Variants in CPA4 observed in about 807,000 individuals in gnomAD.
The protein encoded by CPA4 is carboxypeptidase A4.
A neutral mutation model predicts 54.7 loss-of-function variants in CPA4; 49 were observed. The ratio of observed to expected loss-of-function variants is 0.90; its 90% CI spans 0.71 to 1.14. CPA4 has a LOEUF of 1.14. Ranked by LOEUF, CPA4 falls within the 50% of genes most tolerant of loss-of-function variation. The probability of loss-of-function intolerance (pLI) is 0.00; values close to 1 mark genes in which losing one functional copy is unlikely to be tolerated. For missense variants in CPA4, 487 were observed against 525.1 expected, an observed-to-expected ratio of 0.93 and a Z score of 0.71; for synonymous variants, 215 against 206.8, an observed-to-expected ratio of 1.04 and a Z score of -0.34.
intron 1 of CPA4, among the ~76,000 whole-genome samples, chr7:130,294,674 A>G (rs1283344294): frequency 6.6e-6 from 1 of 152,258 alleles, no homozygotes; most frequent in Non-Finnish European, 1.5e-5. Flanking sequence ...AATTTTGCAC[A>G]GAAAAAGCTG....
intron 1 of CPA4, among the ~76,000 whole-genome samples, chr7:130,297,982 A>G (rs1399804183): frequency 6.6e-6 from 1 of 152,178 alleles, no homozygotes; most frequent in Non-Finnish European, 1.5e-5. Context: ...GACAAACGAC[A>G]AAGGGGACTG....
In CPA4 at chr7:130,310,776, AT is replaced by A; in HGVS notation, c.794-10del. 6.2e-7 allele frequency: 1 copy of A among 1,612,992 alleles called. No individual in the cohort carries two copies. ...ATGAGTTAATGTTTGTTCTTGGGCT[AT>A]CCCCAACAGGAAAGGGAGCCAGCGA... On this transcript the variant is annotated splice_polypyrimidine_tract_variant and intron_variant, in intron 8 of 10. Coordinates refer to ENST00000222482, the MANE Select transcript of CPA4 (RefSeq NM_016352.4). This position sits in a 1 kb window ranked among gnomAD's most constrained non-coding sequence, Gnocchi z 4.3.
chr7:130,308,386 C>G lies in CPA4; in HGVS notation c.782C>G (p.Ala261Gly). 1 of 1,614,018 alleles carries G rather than the reference C, an allele frequency of 6.2e-7. No homozygotes were observed. The highest frequency in any genetic ancestry group is 8.5e-7 in the Non-Finnish European group (1 of 1,179,870). Residue 261 changes from alanine to glycine, a missense_variant, in exon 8 of 11, where the codon GCT (alanine) becomes GGT (glycine). Physicochemically the swap from Ala to Gly is moderately conservative, Grantham distance 60 (BLOSUM62 0). Transcript: ENST00000222482. ...GCTGACCCAAATAGAAACTGGAACG[C>G]TAGTTTTGCAGGTAGGCGGTGGGGA... ...IGADPNRNWN[A>G]SFAGKGASDN...
chr7:130,293,925 C>A (rs1278808741), intron 1 of CPA4, among the ~76,000 whole-genome samples: 10 of 152,078 alleles, frequency 6.6e-5, no homozygotes. Flanking sequence ...GCTCAACACG[C>A]TCCATGCAGA....
In CPA4 at chr7:130,308,111, C is replaced by T. The variant is rs1362756488; in HGVS notation, c.703-196C>T. On this transcript the variant is annotated intron_variant, in intron 7 of 10. Transcript: ENST00000222482. ...ATCAGTACATTTGGAAGAAGTCCTTCTCTTAGAGCCGGAAGGGGAAATACT... is the reference window on the plus strand; with the variant it reads ...ATCAGTACATTTGGAAGAAGTCCTTTTCTTAGAGCCGGAAGGGGAAATACT... 17 of 598,276 alleles carry T rather than the reference C, an allele frequency of 2.8e-5. No homozygotes were observed. The East Asian group carries it at 3.9e-4, about 14-fold the overall frequency. 37.1% of individuals were successfully genotyped at this position (598,276 alleles called of 1,614,324 possible).
chr7:130,306,094 T>C, intron 6 of CPA4, 174 bp downstream of exon 6: 2 of 606,892 alleles, frequency 3.3e-6, no homozygotes, highest in East Asian at 5.5e-5. Context: ...GTCAGCTCAC[T>C]GCGGCCAAAT....
chr7:130,314,306 C>G (rs1178136970), intron 10 of CPA4, among the ~76,000 whole-genome samples: 1 of 152,146 alleles, frequency 6.6e-6, no homozygotes, highest in East Asian at 1.9e-4. Flanking sequence ...GTTATGGGCC[C>G]TTTAATGGGA....
chr7:130,314,934 A>G (rs1008187336), intron 10 of CPA4, among the ~76,000 whole-genome samples: 5 of 152,110 alleles, frequency 3.3e-5, no homozygotes, highest in Admixed American at 6.6e-5. Context: ...AGTGGGTCCT[A>G]TGGAGACACA....
In CPA4 at chr7:130,308,335, G is replaced by A. The variant is rs767679396; in HGVS notation, c.731G>A (p.Arg244Gln). 8.1e-6 allele frequency: 13 copies of A among 1,614,152 alleles called. No individual in the cohort carries two copies. Among genetic ancestry groups the A allele is most frequent in the African/African-American group, 5.3e-5 (4 of 75,028 alleles). The change falls in exon 8 of 11, where the codon CGA becomes CAA. Residue 244 changes from arginine to glutamine, a missense_variant. Arg to Gln is a conservative substitution (Grantham distance 43, BLOSUM62 1). Transcript: ENST00000222482. ...QNRLWRKTRS[R>Q]NPGSSCIGAD... ...CGATTATGGAGGAAGACGCGGTCCC[G>A]AAATCCTGGAAGCTCCTGCATTGGT...
chr7:130,318,273 C>T (rs928424495), intron 10 of CPA4, among the ~76,000 whole-genome samples: 1 of 152,142 alleles, frequency 6.6e-6, no homozygotes, highest in African/African-American at 2.4e-5. Context: ...ATGGCCTTGT[C>T]CTCCTGCATC....
intron 10 of CPA4, among the ~76,000 whole-genome samples, chr7:130,317,064 G>A (rs1195466137): frequency 6.6e-6 from 1 of 152,178 alleles, no homozygotes; most frequent in African/African-American, 2.4e-5. Flanking sequence ...TTATGGCTGA[G>A]CATATCTTGT....
At chr7:130,306,940 C>A in intron 7 of CPA4, 43 bp downstream of exon 7, 3 of 1,023,484 alleles carry the variant, frequency 2.9e-6, no homozygotes, top group Non-Finnish European at 4.7e-6. Context: ...CTGTTGAATT[C>A]CTTGCTTTGC....
intron 10 of CPA4, among the ~76,000 whole-genome samples, chr7:130,316,647 T>C (rs535093501): frequency 6.6e-6 from 1 of 152,162 alleles, no homozygotes; most frequent in South Asian, 2.1e-4. Flanking sequence ...GGTTTAAAAT[T>C]GGTGTTGAGG....
Position 130,308,850 on chromosome 7 carries a change from C to CTTTTTTTTTTTTTTTTTTTTTT in CPA4, c.793+468_793+469insTTTTTTTTTTTTTTTTTTTTTT, listed in dbSNP as rs1249548992. Among the ~76,000 whole-genome samples the CTTTTTTTTTTTTTTTTTTTTTT allele has an allele frequency of 3.0e-3, 364 of 120,220 alleles. 11 individuals carry two copies. The highest frequency in any genetic ancestry group is 4.7e-3 in the Non-Finnish European group (278 of 59,074). The allele number at this position is 120,220 out of a possible 152,430, so 78.9% of individuals were successfully genotyped here. A position where few individuals can be genotyped will look rare whatever the true frequency, so the allele number is the denominator to read the frequency against. Reference sequence around the variant, plus strand: ...ATAGCCGTAAGCCACCTAGCCCAGCCTTTTTTTTTTTTTTTGAGACAGAGT... The same window carrying CTTTTTTTTTTTTTTTTTTTTTT: ...ATAGCCGTAAGCCACCTAGCCCAGCCTTTTTTTTTTTTTTTTTTTTTTTTTTTTTTTTTTTTTGAGACAGAGT... On this transcript the variant is annotated intron_variant, in intron 8 of 10. Coordinates refer to ENST00000222482, the MANE Select transcript of CPA4 (RefSeq NM_016352.4).
Position 130,322,554 on chromosome 7 carries a change from G to A in CPA4, c.1144G>A (p.Glu382Lys), listed in dbSNP as rs1184192184. 6.2e-7 allele frequency: 1 copy of A among 1,614,154 alleles called. No individual in the cohort carries two copies. The highest frequency in any genetic ancestry group is 1.1e-5 in the South Asian group (1 of 91,074). Residue 382 changes from glutamate to lysine, a missense_variant, in exon 11 of 11, where the codon GAG (glutamate) becomes AAG (lysine). By Grantham distance (56) the Glu-to-Lys change is moderately conservative. Transcript: ENST00000222482. Reference protein sequence around the residue: ...DNGIKFAFTFELRDTGTYGFL... With the variant: ...DNGIKFAFTFKLRDTGTYGFL... ...CGGCATCAAATTTGCATTCACATTT[G>A]AGTTGAGAGATACCGGGACCTATGG...
At chr7:130,305,037 T>A (rs1793798381) in intron 5 of CPA4, among the ~76,000 whole-genome samples, 1 of 152,026 alleles carries the variant, frequency 6.6e-6, no homozygotes, top group Non-Finnish European at 1.5e-5. Flanking sequence ...CAAATATTTC[T>A]AACAGATTCA....
At chr7:130,302,418 G>A (rs1187853195) in intron 4 of CPA4, among the ~76,000 whole-genome samples, 1 of 151,842 alleles carries the variant, frequency 6.6e-6, no homozygotes, top group Non-Finnish European at 1.5e-5. Context: ...GAAACCGGGA[G>A]GCGGAGGTTG....
At chr7:130,308,034 T>G (rs1048063641) in intron 7 of CPA4, 1 of 435,720 alleles carries the variant, frequency 2.3e-6, no homozygotes, top group African/African-American at 2.0e-5. Flanking sequence ...AAGCCAAAAA[T>G]TATTCAGTGG....
intron 5 of CPA4, 39 bp downstream of exon 5, chr7:130,304,618 C>G: frequency 8.3e-7 from 1 of 1,210,634 alleles, no homozygotes; most frequent in Non-Finnish European, 1.2e-6. Flanking sequence ...CCTGGGTCCT[C>G]ATGCCCAGGA....
Sources: allele counts gnomAD v4.1 joint callset (sites outside exome capture counted in the v4.1 genomes callset), GRCh38; gene constraint gnomAD v4.1.1; non-coding constraint Gnocchi (gnomAD v3.1); transcripts MANE v1.5; gene names NCBI Gene and HGNC (gene_info 2026-07-23, HGNC 2026-07-21).